The following DPH6 variants were observed in gnomAD, a reference collection of about 807,000 sequenced individuals.
The protein encoded by DPH6 is diphthamine biosynthesis 6.
In DPH6, 33 loss-of-function variants were observed where a neutral mutation model predicts 38.2. The ratio of observed to expected loss-of-function variants is 0.86; its 90% CI spans 0.65 to 1.15. The LOEUF (loss-of-function observed/expected upper bound fraction) is 1.15, where lower values mean the gene tolerates loss of function less well. DPH6 is among the 50% of genes most tolerant of loss of function. DPH6 has a pLI of 0.00. For synonymous variants in DPH6, 108 were observed against 103.0 expected (o/e 1.05, Z -0.30); for missense variants, 325 against 320.0 (o/e 1.02, Z -0.12).
intron 6 of DPH6, among the ~76,000 whole-genome samples, chr15:35,385,419 A>C (rs536049166): frequency 6.6e-6 from 1 of 152,224 alleles, no homozygotes. Flanking sequence ...CATATACAGC[A>C]TGGAGTACTA....
intron 3 of DPH6, among the ~76,000 whole-genome samples, chr15:35,468,456 G>C (rs1248081680): frequency 6.6e-6 from 1 of 152,088 alleles, no homozygotes; most frequent in Non-Finnish European, 1.5e-5. Flanking sequence ...TGTCTTGCCT[G>C]CTCAAAACCC....
chr15:35,428,635 C>T (rs1415427596), intron 5 of DPH6, among the ~76,000 whole-genome samples: 1 of 152,100 alleles, frequency 6.6e-6, no homozygotes, highest in Non-Finnish European at 1.5e-5. Flanking sequence ...AGACCTGTTT[C>T]ACTGTATAAC....
intron 5 of DPH6, among the ~76,000 whole-genome samples, chr15:35,418,149 G>A (rs1255503449): frequency 1.3e-5 from 2 of 151,924 alleles, no homozygotes; most frequent in Non-Finnish European, 2.9e-5. Flanking sequence ...AAATCCCAGC[G>A]GTCAGTACAA....
At chr15:35,286,600 T>C (rs1421955607) in intron 3 of DPH6, among the ~76,000 whole-genome samples, 4 of 152,346 alleles carry the variant, frequency 2.6e-5, no homozygotes, top group Admixed American at 6.5e-5. Flanking sequence ...GTGGACATTA[T>C]CTAGAGTAAA....
At chr15:35,181,584 G>C in the DPH6 span, among the ~76,000 whole-genome samples, 1,756 of 152,072 alleles carry the variant, frequency 0.012, 42 homozygotes, top group African/African-American at 0.041. Context: ...ATATTGCAGT[G>C]AGTAATGTAC....
intron 6 of DPH6, among the ~76,000 whole-genome samples, chr15:35,409,946 G>A (rs191393933): frequency 8.7e-5 from 13 of 149,878 alleles, no homozygotes; most frequent in African/African-American, 2.4e-4. Context: ...ATAACATTTC[G>A]GAGATTTCTA....
At chr15:35,537,761 C>A (rs936045934) in intron 3 of DPH6, among the ~76,000 whole-genome samples, 1 of 152,036 alleles carries the variant, frequency 6.6e-6, no homozygotes, top group Admixed American at 6.6e-5. Context: ...ACAGCTATGC[C>A]CTGCCATCAT....
intron 3 of DPH6, among the ~76,000 whole-genome samples, chr15:35,243,351 A>T (rs1191895816): frequency 7.0e-6 from 1 of 142,008 alleles, no homozygotes; most frequent in African/African-American, 2.6e-5. Flanking sequence ...CGCCGCCCCA[A>T]CACTTCAACA....
At chr15:35,434,763 T>C (rs1421047476) in intron 5 of DPH6, among the ~76,000 whole-genome samples, 3 of 152,032 alleles carry the variant, frequency 2.0e-5, no homozygotes, top group Non-Finnish European at 4.4e-5. Flanking sequence ...CTAAGGCTTT[T>C]TTTGTTTGTT....
chr15:35,391,284 G>T (rs987727616), intron 6 of DPH6, among the ~76,000 whole-genome samples: 4 of 152,150 alleles, frequency 2.6e-5, no homozygotes, highest in African/African-American at 9.7e-5. Context: ...GGCTACTTGG[G>T]GGTCAGGGAC....
chr15:35,383,735 C>T (rs1030290753), intron 6 of DPH6, among the ~76,000 whole-genome samples: 22 of 152,156 alleles, frequency 1.4e-4, no homozygotes, highest in African/African-American at 5.3e-4. Flanking sequence ...TCTTCTGTGG[C>T]CTCTCTAAAT....
At chr15:35,348,694 C>T (rs1030844881) in intron 3 of DPH6, among the ~76,000 whole-genome samples, 1 of 151,964 alleles carries the variant, frequency 6.6e-6, no homozygotes, top group African/African-American at 2.4e-5. Flanking sequence ...TGAAAAAAAG[C>T]CTTTGGAATT....
At chr15:35,149,665 T>C in the DPH6 span, among the ~76,000 whole-genome samples, 1 of 152,234 alleles carries the variant, frequency 6.6e-6, no homozygotes, top group Non-Finnish European at 1.5e-5. Context: ...CCTACCATCA[T>C]CTTTGTTTTG....
At chr15:35,380,767 T>TA (rs1220869853) in intron 7 of DPH6, among the ~76,000 whole-genome samples, 2 of 152,198 alleles carry the variant, frequency 1.3e-5, no homozygotes, top group Non-Finnish European at 2.9e-5. Flanking sequence ...ACTTATTTTT[T>TA]ACCACCTTTT....
the DPH6 span, among the ~76,000 whole-genome samples, chr15:35,165,872 T>C: frequency 6.6e-6 from 1 of 151,950 alleles, no homozygotes; most frequent in Non-Finnish European, 1.5e-5. Flanking sequence ...TTTTGAATTG[T>C]CTAGAAATTC....
intron 3 of DPH6, among the ~76,000 whole-genome samples, chr15:35,247,589 G>C (rs1280349462): frequency 6.6e-6 from 1 of 152,198 alleles, no homozygotes; most frequent in Non-Finnish European, 1.5e-5. Context: ...CAAGACTAGA[G>C]AAGACCTGCT....
the DPH6 span, among the ~76,000 whole-genome samples, chr15:35,156,085 TA>T: frequency 6.6e-6 from 1 of 152,036 alleles, no homozygotes; most frequent in Admixed American, 6.6e-5. Context: ...TTCCTTTTTG[TA>T]AAAACCCAGC....
intron 3 of DPH6, among the ~76,000 whole-genome samples, chr15:35,353,182 CT>C (rs2052530464): frequency 6.6e-6 from 1 of 152,084 alleles, no homozygotes; most frequent in South Asian, 2.1e-4. Flanking sequence ...GATATTAGCC[CT>C]TTGTCAGATG....
chr15:35,440,879 C>A (rs1197031986), intron 5 of DPH6, among the ~76,000 whole-genome samples: 2 of 152,124 alleles, frequency 1.3e-5, no homozygotes, highest in African/African-American at 4.8e-5. Context: ...AACCTACAGA[C>A]TGGGAGAAAA....
Sources: allele counts gnomAD v4.1 joint callset (sites outside exome capture counted in the v4.1 genomes callset), GRCh38; gene constraint gnomAD v4.1.1; transcripts MANE v1.5; gene names NCBI Gene and HGNC (gene_info 2026-07-23, HGNC 2026-07-21).